Variants in DNAAF4 observed in about 807,000 individuals in gnomAD.
DNAAF4 encodes dynein assembly factor 4, axonemal.
A neutral mutation model predicts 51.8 loss-of-function variants in DNAAF4; 43 were observed. The ratio of observed to expected loss-of-function variants is 0.83; its 90% CI spans 0.65 to 1.07. DNAAF4 has a LOEUF of 1.07. Ranked by LOEUF, DNAAF4 falls within the 50% of genes least tolerant of loss-of-function variation. DNAAF4 has a pLI of 0.00. For synonymous variants in DNAAF4, 194 were observed against 165.6 expected (o/e 1.17, Z -1.32); for missense variants, 581 against 493.0 (o/e 1.18, Z -1.69).
rs566147155 is a variant in DNAAF4 at position 55,442,285 on chromosome 15, A to AT, written c.784-2705dup. ...AGGCACACGCCACCATGCCCGGCTA[A>AT]TTTTTTTTATTTTAGTAGAGACGGG... On this transcript the variant is annotated intron_variant, in intron 6 of 9. Coordinates refer to ENST00000321149, the MANE Select transcript of DNAAF4 (RefSeq NM_130810.4). 4.8e-4 allele frequency among the ~76,000 whole-genome samples: 73 copies of AT among 152,012 alleles called. 2 individuals carry two copies. The South Asian group carries it at 0.015, about 31-fold the overall frequency.
At chr15:55,453,811 A>C (rs1038670901) in intron 5 of DNAAF4, among the ~76,000 whole-genome samples, 1 of 151,974 alleles carries the variant, frequency 6.6e-6, no homozygotes, top group African/African-American at 2.4e-5. Context: ...CGGCCCCCCA[A>C]AGTGCTGGGA....
chr15:55,418,240 A>G, intron 7 of DNAAF4: 1 of 1,566,626 alleles, frequency 6.4e-7, no homozygotes, highest in Non-Finnish European at 8.7e-7. Context: ...AAAGTACTTC[A>G]CCTTCAAATT....
rs765341456 is a variant in DNAAF4 at position 55,497,735 on chromosome 15, C to A, written c.248G>T (p.Trp83Leu). The A allele has an allele frequency of 2.5e-6, 4 of 1,612,552 alleles. No individual in the cohort carries two copies. The South Asian group carries it at 4.4e-5, about 18-fold the overall frequency. The change falls in exon 3 of 10, where the codon TGG becomes TTG. Residue 83 changes from tryptophan to leucine, a missense_variant. By Grantham distance (61) the Trp-to-Leu change is moderately conservative. Coordinates refer to ENST00000321149, the MANE Select transcript of DNAAF4 (RefSeq NM_130810.4). ...FTLYKKEAAM[W>L]ETLSVTGVDK... ...ACCACCCGTCACAGAAAGGGTCTCC[C>A]ACATGGCCGCTTCTTTTTTATACAA...
At chr15:55,467,841 G>C (rs1026947898) in intron 4 of DNAAF4, among the ~76,000 whole-genome samples, 1 of 152,166 alleles carries the variant, frequency 6.6e-6, no homozygotes, top group Non-Finnish European at 1.5e-5. Flanking sequence ...TCTTGTACAG[G>C]TGTGTGGCAA....
At chr15:55,491,961 A>C (rs1264634122) in intron 3 of DNAAF4, among the ~76,000 whole-genome samples, 8 of 151,296 alleles carry the variant, frequency 5.3e-5, no homozygotes. Context: ...GGCTCAAGCA[A>C]TCCTCCTACC....
intron 7 of DNAAF4, chr15:55,418,183 A>G (rs778593266): frequency 1.3e-6 from 2 of 1,560,578 alleles, no homozygotes; most frequent in South Asian, 1.2e-5. Flanking sequence ...TTTTTTCAGA[A>G]CTTTATAATG....
chr15:55,430,502 G>C lies in DNAAF4; in HGVS notation c.*168C>G. 1 of 1,193,560 alleles carries C rather than the reference G, an allele frequency of 8.4e-7. No individual in the cohort carries two copies. The highest frequency in any genetic ancestry group is 1.1e-6 in the Non-Finnish European group (1 of 947,700). 73.9% of individuals were successfully genotyped at this position (1,193,560 alleles called of 1,614,324 possible). On this transcript the variant is annotated 3_prime_UTR_variant, in exon 10 of 10. Coordinates refer to ENST00000321149, the MANE Select transcript of DNAAF4 (RefSeq NM_130810.4). ...TATTTAGATTTACTTATTCAGAAAT[G>C]ATTCAAGTCAAACAGTTTATTTTCT...
intron 5 of DNAAF4, among the ~76,000 whole-genome samples, chr15:55,454,418 C>A (rs1229769693): frequency 6.6e-6 from 1 of 152,052 alleles, no homozygotes; most frequent in East Asian, 1.9e-4. Context: ...CACTCTGTTA[C>A]CCAGGCTAGA....
intron 5 of DNAAF4, 90 bp from the exon 6 acceptor site, chr15:55,450,457 C>T: frequency 1.5e-6 from 2 of 1,347,222 alleles, no homozygotes; most frequent in Non-Finnish European, 2.0e-6. Flanking sequence ...CAAAGCTCAC[C>T]CCCAAATCCT....
chr15:55,498,439 G>T lies in DNAAF4; in HGVS notation c.-110C>A. On this transcript the variant is annotated 5_prime_UTR_variant, in exon 2 of 10. Transcript: ENST00000321149. ...AGCCCTTCCGGGTCAGGCCGGCCGGGAGCCCGGCGTTCCCAGCGTGCTCCG... is the reference window on the plus strand; with the variant it reads ...AGCCCTTCCGGGTCAGGCCGGCCGGTAGCCCGGCGTTCCCAGCGTGCTCCG... The T allele has an allele frequency of 6.8e-7, 1 of 1,472,852 alleles. No individual in the cohort carries two copies. The allele number at this position is 1,472,852 out of a possible 1,614,324, so 91.2% of individuals were successfully genotyped here. A position where few individuals can be genotyped will look rare whatever the true frequency, so the allele number is the denominator to read the frequency against.
chr15:55,447,348 A>G (rs610286), intron 6 of DNAAF4, among the ~76,000 whole-genome samples: 148,962 of 151,814 alleles, frequency 0.98, 73,143 homozygotes, highest in East Asian at 1. Flanking sequence ...GCCAGGCAGA[A>G]ATGTTCCTCA....
intron 1 of DNAAF4, among the ~76,000 whole-genome samples, chr15:55,507,475 T>C (rs1367215305): frequency 6.6e-6 from 1 of 152,174 alleles, no homozygotes; most frequent in African/African-American, 2.4e-5. Flanking sequence ...AAAAACAGAA[T>C]GGTTGTATGG....
chr15:55,420,016 TA>T (rs970954287), intron 7 of DNAAF4, among the ~76,000 whole-genome samples: 2 of 151,682 alleles, frequency 1.3e-5, no homozygotes, highest in African/African-American at 4.8e-5. Context: ...AAAAAAAGAA[TA>T]AAAAAAAGTA....
intron 7 of DNAAF4, among the ~76,000 whole-genome samples, chr15:55,423,240 C>T (rs2057402734): frequency 6.6e-6 from 1 of 150,976 alleles, no homozygotes. Flanking sequence ...CTCCCTCTGT[C>T]ACCCAGGCTG....
chr15:55,449,371 T>C (rs1383063624), intron 6 of DNAAF4, among the ~76,000 whole-genome samples: 1 of 151,444 alleles, frequency 6.6e-6, no homozygotes, highest in Non-Finnish European at 1.5e-5. Context: ...AGTAAAAAAA[T>C]GCAGTTCTTG....
At chr15:55,419,400 G>C (rs577320125) in intron 7 of DNAAF4, among the ~76,000 whole-genome samples, 3 of 148,060 alleles carry the variant, frequency 2.0e-5, no homozygotes, top group African/African-American at 7.5e-5. Context: ...TAATTTGTGG[G>C]GTGTGTGTGT....
intron 6 of DNAAF4, among the ~76,000 whole-genome samples, chr15:55,442,067 T>C (rs1286850992): frequency 2.6e-5 from 4 of 152,208 alleles, no homozygotes; most frequent in Non-Finnish European, 5.9e-5. Flanking sequence ...ACACATTTAT[T>C]TCTCCAGTCC....
intron 4 of DNAAF4, among the ~76,000 whole-genome samples, chr15:55,477,266 G>C (rs2058348260): frequency 6.6e-6 from 1 of 152,034 alleles, no homozygotes; most frequent in Non-Finnish European, 1.5e-5. Flanking sequence ...CTTAAAGATG[G>C]TAAGTTGTAT....
downstream of DNAAF4, among the ~76,000 whole-genome samples, chr15:55,426,656 G>A (rs573545508): frequency 6.6e-5 from 10 of 152,270 alleles, no homozygotes; most frequent in East Asian, 1.9e-3. Flanking sequence ...CTGACCTCAG[G>A]TGATCCGCCC....
Sources: allele counts gnomAD v4.1 joint callset (sites outside exome capture counted in the v4.1 genomes callset), GRCh38; gene constraint gnomAD v4.1.1; transcripts MANE v1.5; gene names NCBI Gene and HGNC (gene_info 2026-07-23, HGNC 2026-07-21).